Variants in PLCD4 observed in about 807,000 individuals in gnomAD.
PLCD4 encodes phospholipase C delta 4, also known as 1-phosphatidylinositol 4,5-bisphosphate phosphodiesterase delta-4.
A neutral mutation model predicts 90.2 loss-of-function variants in PLCD4; 63 were observed. That is an observed-to-expected ratio of 0.70 (90% CI 0.57 to 0.86). The LOEUF is 0.86. Among genes scored for constraint, PLCD4 ranks in the 40% least tolerant of loss-of-function variants. The pLI is 0.00. For missense variants in PLCD4, 830 were observed against 956.3 expected (o/e 0.87, Z 1.74); for synonymous variants, 294 against 356.5 (o/e 0.82, Z 1.97).
chr2:218,636,641 T>C lies in PLCD4; in HGVS notation c.*64T>C. 6.6e-7 allele frequency: 1 copy of C among 1,504,342 alleles called. No individual in the cohort carries two copies. The highest frequency in any genetic ancestry group is 1.9e-5 in the Admixed American group (1 of 53,630). 93.2% of individuals were successfully genotyped at this position (1,504,342 alleles called of 1,614,324 possible). ...AGACGGGGAGAAACATCTGGAAGGA[T>C]GCTCGAGAGAACAAATGGAGGTGGT... On this transcript the variant is annotated 3_prime_UTR_variant, in exon 16 of 16. Coordinates refer to ENST00000450993, the MANE Select transcript of PLCD4 (RefSeq NM_032726.4).
In PLCD4 at chr2:218,634,443, T is replaced by C; in HGVS notation, c.1724-15T>C. On this transcript the variant is annotated splice_polypyrimidine_tract_variant and intron_variant, in intron 12 of 15. Coordinates refer to ENST00000450993, the MANE Select transcript of PLCD4 (RefSeq NM_032726.4). The surrounding 1 kb of genome is among the most constrained non-coding windows in gnomAD (Gnocchi z 4.0). ...CATGGTGAATCTTGCTCTTCTTTTC[T>C]CCTGGGGCCCTCAGTGGCCATGAAT... 1 of 1,607,420 alleles carries C rather than the reference T, an allele frequency of 6.2e-7. No homozygotes were observed. The highest frequency in any genetic ancestry group is 8.5e-7 in the Non-Finnish European group (1 of 1,176,850).
chr2:218,625,790 T>G (rs1696090281), intron 6 of PLCD4, among the ~76,000 whole-genome samples: 1 of 151,386 alleles, frequency 6.6e-6, no homozygotes, highest in Middle Eastern at 3.2e-3. Flanking sequence ...AAAAATTAGC[T>G]GGGTATGGTG....
chr2:218,615,698 C>T lies in PLCD4; in HGVS notation c.-33-9C>T, dbSNP rs1695545093. On this transcript the variant is annotated splice_polypyrimidine_tract_variant and intron_variant, in intron 1 of 15. Coordinates refer to ENST00000450993, the MANE Select transcript of PLCD4 (RefSeq NM_032726.4). Reference sequence around the variant, plus strand: ...ACCCAGAGCCCTTTGCTCTTCCTTGCTCCTTTAGGTGATCTGGTGCCAGCT... The same window carrying T: ...ACCCAGAGCCCTTTGCTCTTCCTTGTTCCTTTAGGTGATCTGGTGCCAGCT... 1 of 1,565,256 alleles carries T rather than the reference C, an allele frequency of 6.4e-7. No homozygotes were observed. Among genetic ancestry groups the T allele is most frequent in the African/African-American group, 1.4e-5 (1 of 72,978 alleles).
In PLCD4 at chr2:218,636,404, C is replaced by T; in HGVS notation, c.2182+12C>T. 6.2e-7 allele frequency: 1 copy of T among 1,613,994 alleles called. No individual in the cohort carries two copies. Among genetic ancestry groups the T allele is most frequent in the Non-Finnish European group, 8.5e-7 (1 of 1,179,880 alleles). On this transcript the variant is annotated intron_variant, in intron 15 of 15. Transcript: ENST00000450993. ...CTGCATGCAACAAGGTGAGCCAGCC[C>T]CTTTGGCCCCTGGCCAATACCCCAG...
intron 1 of PLCD4, among the ~76,000 whole-genome samples, chr2:218,611,972 A>C (rs1258038463): frequency 6.6e-6 from 1 of 150,890 alleles, no homozygotes; most frequent in East Asian, 1.9e-4. Context: ...CTCTGTCGCC[A>C]GGTTAGAGTG....
intron 15 of PLCD4, 38 bp downstream of exon 15, chr2:218,636,430 C>T: frequency 1.9e-6 from 3 of 1,614,022 alleles, no homozygotes; most frequent in Admixed American, 1.7e-5. Flanking sequence ...AATACCCCAG[C>T]TCTGGCTGCC....
At chr2:218,626,258 CAA>C (rs10616178) in intron 6 of PLCD4, among the ~76,000 whole-genome samples, 87,058 of 135,076 alleles carry the variant, frequency 0.64, 26,740 homozygotes, top group East Asian at 0.89. Context: ...CTCTGTCTCC[CAA>C]AAAAAAAAAA....
intron 1 of PLCD4, chr2:218,609,649 A>G (rs1168034923): frequency 6.6e-6 from 1 of 152,126 alleles, no homozygotes; most frequent in African/African-American, 2.4e-5. Context: ...CCATTCTACC[A>G]TTAGACACCA....
At chr2:218,631,130 T>C (rs1294387851) in intron 9 of PLCD4, among the ~76,000 whole-genome samples, 1 of 152,170 alleles carries the variant, frequency 6.6e-6, no homozygotes, top group Non-Finnish European at 1.5e-5. Flanking sequence ...CCTATCATAA[T>C]CCCAACCTCT....
intron 3 of PLCD4, among the ~76,000 whole-genome samples, chr2:218,617,810 G>A (rs966213034): frequency 6.6e-6 from 1 of 152,136 alleles, no homozygotes; most frequent in African/African-American, 2.4e-5. Flanking sequence ...ATGGGGGCCA[G>A]GCGTGGTGGC....
rs1303719273 is a variant in PLCD4 at position 218,635,857 on chromosome 2, C to T, written c.1958C>T (p.Pro653Leu). 3.8e-5 allele frequency: 61 copies of T among 1,613,816 alleles called. No homozygotes were observed. The East Asian group carries it at 1.3e-3, about 34-fold the overall frequency. The change falls in exon 14 of 16, where the codon CCA (proline) becomes CTA (leucine). Residue 653 changes from proline (P) to leucine (L), a missense_variant. Physicochemically the swap from Pro to Leu is moderately conservative, Grantham distance 98. Coordinates refer to ENST00000450993, the MANE Select transcript of PLCD4 (RefSeq NM_032726.4). ...DKTKEGSIVD[P>L]LVKVQIFGVR... is the part of the protein sequence containing the mutation. ...ACCAAAGAGGGGTCCATTGTGGATC[C>T]ACTGGTGAAAGTGCAGATCTTTGGC...
intron 4 of PLCD4, among the ~76,000 whole-genome samples, chr2:218,620,067 A>G (rs1273551600): frequency 6.6e-6 from 1 of 152,056 alleles, no homozygotes; most frequent in East Asian, 1.9e-4. Flanking sequence ...TTTTGTAGAG[A>G]TGGGATTTTG....
chr2:218,630,803 G>GT lies in PLCD4; in HGVS notation c.1272+2dup, dbSNP rs1160077334. The GT allele has an allele frequency of 4.2e-5, 67 of 1,609,940 alleles. No individual in the cohort carries two copies. The highest frequency in any genetic ancestry group is 5.6e-5 in the Non-Finnish European group (66 of 1,177,576). On this transcript the variant is annotated splice_donor_variant, in intron 9 of 15. Coordinates refer to ENST00000450993, the MANE Select transcript of PLCD4 (RefSeq NM_032726.4). LOFTEE classifies it high-confidence loss of function. ...GCCCACTCAGCTGCCCTCGCCTGAG[G>GT]TAGGGACACTGTTCCTCCAGCCCAG...
chr2:218,625,374 A>G (rs1696071882), intron 6 of PLCD4, among the ~76,000 whole-genome samples: 1 of 152,106 alleles, frequency 6.6e-6, no homozygotes, highest in Non-Finnish European at 1.5e-5. Context: ...CATCAGTTAC[A>G]TTTGTTTCGA....
intron 1 of PLCD4, among the ~76,000 whole-genome samples, chr2:218,611,444 A>G (rs1184047899): frequency 1.3e-5 from 2 of 152,148 alleles, no homozygotes; most frequent in African/African-American, 4.8e-5. Flanking sequence ...AGGTAATGCA[A>G]TCTTCTTGCA....
rs142863279 is a variant in PLCD4 at position 218,615,812 on chromosome 2, G to A, written c.22+51G>A. On this transcript the variant is annotated intron_variant, in intron 2 of 15. Coordinates refer to ENST00000450993, the MANE Select transcript of PLCD4 (RefSeq NM_032726.4). ...AAGAGGCCTTAGTGTACAGCTCAGGGAAGGGAAGGAGGTTGGACCCCTGTT... is the reference window on the plus strand; with the variant it reads ...AAGAGGCCTTAGTGTACAGCTCAGGAAAGGGAAGGAGGTTGGACCCCTGTT... The A allele has an allele frequency of 4.5e-3, 7,247 of 1,601,894 alleles. 20 individuals carry two copies. The highest frequency in any genetic ancestry group is 5.6e-3 in the Non-Finnish European group (6,537 of 1,172,132).
intron 14 of PLCD4, 43 bp from the exon 15 acceptor site, chr2:218,636,200 A>G: frequency 6.3e-7 from 1 of 1,589,212 alleles, no homozygotes; most frequent in Non-Finnish European, 8.6e-7. Context: ...AGTCAAGAAA[A>G]CTGTCATAAT....
intron 1 of PLCD4, among the ~76,000 whole-genome samples, chr2:218,610,710 T>G (rs1219623584): frequency 6.6e-6 from 1 of 151,870 alleles, no homozygotes; most frequent in Non-Finnish European, 1.5e-5. Context: ...GCTGGTTGTA[T>G]GGAGACCTGG....
intron 4 of PLCD4, among the ~76,000 whole-genome samples, chr2:218,620,960 C>T (rs1261965920): frequency 3.4e-5 from 5 of 149,248 alleles, no homozygotes; most frequent in Non-Finnish European, 7.4e-5. Flanking sequence ...GACAGAATCT[C>T]ACTCCATCAC....
Sources: allele counts gnomAD v4.1 joint callset (sites outside exome capture counted in the v4.1 genomes callset), GRCh38; gene constraint gnomAD v4.1.1; non-coding constraint Gnocchi (gnomAD v3.1); transcripts MANE v1.5; gene names NCBI Gene and HGNC (gene_info 2026-07-23, HGNC 2026-07-21).